Variants in CEP135 observed in about 807,000 individuals in gnomAD.
The protein encoded by CEP135 is centrosomal protein 135.
CEP135 carries 142 observed loss-of-function variants against 157.3 expected under a neutral mutation model. That is an observed-to-expected ratio of 0.90 (90% confidence interval 0.79 to 1.04). The LOEUF (loss-of-function observed/expected upper bound fraction) is 1.04. Among genes scored for constraint, CEP135 ranks in the 50% least tolerant of loss-of-function variants. The pLI is 0.00. For missense variants in CEP135, 1,317 were observed against 1,309.2 expected (o/e 1.01, Z -0.09); for synonymous variants, 396 against 439.8 (o/e 0.90, Z 1.25).
intron 1 of CEP135, among the ~76,000 whole-genome samples, chr4:55,949,268 C>G (rs554718948): frequency 6.6e-6 from 1 of 152,284 alleles, no homozygotes; most frequent in Non-Finnish European, 1.5e-5. Flanking sequence ...CCGTCAACAC[C>G]CGACGGTAAA....
At chr4:56,021,948 T>C (rs2109748693) in intron 24 of CEP135, among the ~76,000 whole-genome samples, 1 of 152,228 alleles carries the variant, frequency 6.6e-6, no homozygotes, top group Admixed American at 6.5e-5. Context: ...GAGGATTGAT[T>C]GAGCTCAGGA....
chr4:55,987,165 C>T (rs1001129180), intron 14 of CEP135, among the ~76,000 whole-genome samples: 23 of 151,998 alleles, frequency 1.5e-4, no homozygotes, highest in Non-Finnish European at 2.6e-4. Context: ...CTTTTGAGTA[C>T]GCTACCTGTT....
In CEP135 at chr4:56,031,489, A is replaced by G. The variant is rs940545919; in HGVS notation, c.*141A>G. 1 of 152,624 alleles carries G rather than the reference A, an allele frequency of 6.6e-6. No individual in the cohort carries two copies. Among genetic ancestry groups the G allele is most frequent in the Non-Finnish European group, 1.5e-5 (1 of 68,032 alleles). The allele number at this position is 152,624 out of a possible 1,614,324, so 9.5% of individuals were successfully genotyped here. A position where few individuals can be genotyped will look rare whatever the true frequency, so the allele number is the denominator to read the frequency against. On this transcript the variant is annotated 3_prime_UTR_variant, in exon 26 of 26. Transcript: ENST00000257287. Reference sequence around the variant, plus strand: ...TCTACCTCTGTCAACTTTTATTTAAATCAGTGAATATGTTAAAAAGTTTGG... The same window carrying G: ...TCTACCTCTGTCAACTTTTATTTAAGTCAGTGAATATGTTAAAAAGTTTGG...
At chr4:55,996,836 T>C (rs1310239408) in intron 15 of CEP135, among the ~76,000 whole-genome samples, 1 of 152,128 alleles carries the variant, frequency 6.6e-6, no homozygotes. Flanking sequence ...TTTAAGATGC[T>C]GTCTTTGTTT....
At chr4:55,959,833 G>C in intron 6 of CEP135, 67 bp downstream of exon 6, 1 of 1,246,178 alleles carries the variant, frequency 8.0e-7, no homozygotes, top group South Asian at 1.3e-5. Flanking sequence ...AATAGAATTG[G>C]GTTATATTTG....
intron 15 of CEP135, among the ~76,000 whole-genome samples, chr4:55,995,405 G>C (rs546093681): frequency 6.6e-6 from 1 of 152,288 alleles, no homozygotes; most frequent in South Asian, 2.1e-4. Context: ...ACAGAGGGTT[G>C]AGGAAGAGAC....
chr4:56,020,620 C>A, intron 23 of CEP135, 56 bp from the exon 24 acceptor site: 2 of 1,405,474 alleles, frequency 1.4e-6, no homozygotes, highest in South Asian at 2.4e-5. Context: ...AAACCCACAG[C>A]ACCTGACTCT....
intron 21 of CEP135, among the ~76,000 whole-genome samples, chr4:56,015,508 C>G (rs1244997282): frequency 2.6e-5 from 4 of 152,222 alleles, no homozygotes; most frequent in Non-Finnish European, 5.9e-5. Context: ...GTGGGGCCCC[C>G]CTGGCTGGCT....
chr4:55,989,725 A>G (rs551393836), intron 14 of CEP135, among the ~76,000 whole-genome samples: 3 of 152,264 alleles, frequency 2.0e-5, no homozygotes, highest in Admixed American at 6.5e-5. Context: ...TTCTACCTCA[A>G]TAATGGGGGA....
intron 16 of CEP135, 28 bp downstream of exon 16, chr4:55,999,445 T>G (rs1449850477): frequency 3.1e-6 from 5 of 1,613,402 alleles, no homozygotes; most frequent in Non-Finnish European, 4.2e-6. Flanking sequence ...TTGTTTCTGC[T>G]AATCCTAATG....
At chr4:56,013,794 C>T (rs1324566921) in intron 21 of CEP135, among the ~76,000 whole-genome samples, 1 of 152,100 alleles carries the variant, frequency 6.6e-6, no homozygotes, top group Admixed American at 6.5e-5. Context: ...GAATTATAGC[C>T]TCCAGAAAGA....
chr4:56,020,083 A>G (rs1423561018), intron 23 of CEP135, among the ~76,000 whole-genome samples: 1 of 152,194 alleles, frequency 6.6e-6, no homozygotes, highest in Non-Finnish European at 1.5e-5. Flanking sequence ...AGAAAACGTT[A>G]GGAAAGCGCC....
At chr4:56,006,980 G>A (rs532609894) in intron 17 of CEP135, among the ~76,000 whole-genome samples, 20 of 152,048 alleles carry the variant, frequency 1.3e-4, no homozygotes, top group African/African-American at 4.1e-4. Context: ...TGCAACCTCC[G>A]TCTCCTGAGT....
intron 14 of CEP135, among the ~76,000 whole-genome samples, chr4:55,987,662 A>G (rs1310886583): frequency 6.6e-6 from 1 of 152,234 alleles, no homozygotes; most frequent in Non-Finnish European, 1.5e-5. Flanking sequence ...GCGGAAGAGT[A>G]AATCTGGTCT....
chr4:55,991,159 G>A (rs149125293), intron 14 of CEP135, among the ~76,000 whole-genome samples: 111 of 151,928 alleles, frequency 7.3e-4, no homozygotes, highest in African/African-American at 2.3e-3. Flanking sequence ...GTATTTTTTC[G>A]TAGGGATGGG....
At chr4:55,956,103 A>G (rs1043445291) in intron 4 of CEP135, among the ~76,000 whole-genome samples, 1 of 152,172 alleles carries the variant, frequency 6.6e-6, no homozygotes, top group Non-Finnish European at 1.5e-5. Context: ...AGGTAAAGAA[A>G]GAAGGAATGG....
intron 10 of CEP135, among the ~76,000 whole-genome samples, chr4:55,973,483 C>T (rs997288085): frequency 2.6e-5 from 4 of 152,166 alleles, no homozygotes; most frequent in Non-Finnish European, 5.9e-5. Flanking sequence ...AGATTAAAAA[C>T]GTGTGCATCT....
intron 14 of CEP135, among the ~76,000 whole-genome samples, chr4:55,988,222 TG>T (rs1051504023): frequency 1.0e-5 from 1 of 98,362 alleles, no homozygotes; most frequent in African/African-American, 4.3e-5. Context: ...AATAAGAGTG[TG>T]GGGGGCGGGG....
At chr4:56,015,304 A>G (rs1270336408) in intron 21 of CEP135, among the ~76,000 whole-genome samples, 1 of 152,230 alleles carries the variant, frequency 6.6e-6, no homozygotes, top group Non-Finnish European at 1.5e-5. Context: ...GTTGGCTGCA[A>G]GTTCACCTTC....
Sources: gnomAD v4.1 joint callset for allele counts (sites outside exome capture counted in the v4.1 genomes callset) on GRCh38, gnomAD v4.1.1 for gene constraint, MANE v1.5 for transcripts, NCBI Gene and HGNC (gene_info 2026-07-23, HGNC 2026-07-21) for gene names.